OR9Q1: variants seen among roughly 807,000 people sequenced by gnomAD.
OR9Q1 encodes the protein olfactory receptor family 9 subfamily Q member 1.
For missense variants in OR9Q1, 374 were observed against 378.8 expected (o/e 0.99, Z 0.11); for synonymous variants, 153 against 148.6 (o/e 1.03, Z -0.22).
At chr11:58,143,945 A>G (rs1214158291) in intron 2 of OR9Q1, among the ~76,000 whole-genome samples, 1 of 152,170 alleles carries the variant, frequency 6.6e-6, no homozygotes, top group East Asian at 1.9e-4. Flanking sequence ...GAAAATGTAA[A>G]GTGCTTTACA....
chr11:58,046,284 C>T (rs1853215775), intron 1 of OR9Q1, among the ~76,000 whole-genome samples: 1 of 151,924 alleles, frequency 6.6e-6, no homozygotes, highest in African/African-American at 2.4e-5. Flanking sequence ...TCCCTCCTCT[C>T]AGGGTGGGAT....
At chr11:58,159,693 C>A (rs1187880524) in intron 2 of OR9Q1, among the ~76,000 whole-genome samples, 1 of 152,152 alleles carries the variant, frequency 6.6e-6, no homozygotes, top group South Asian at 2.1e-4. Context: ...AAAGTAATTG[C>A]CACAGTCTAA....
At chr11:58,093,374 T>A (rs1464105874) in intron 2 of OR9Q1, among the ~76,000 whole-genome samples, 3 of 152,018 alleles carry the variant, frequency 2.0e-5, no homozygotes, top group Non-Finnish European at 2.9e-5. Context: ...TGAACAGACA[T>A]TTTTCAAAGG....
chr11:58,141,046 G>A (rs940363115), intron 2 of OR9Q1, among the ~76,000 whole-genome samples: 4 of 152,086 alleles, frequency 2.6e-5, no homozygotes, highest in Non-Finnish European at 4.4e-5. Context: ...TCTCTTTGAA[G>A]CAATTGTGAA....
chr11:58,105,398 G>A (rs1464643660), intron 2 of OR9Q1, among the ~76,000 whole-genome samples: 1 of 151,986 alleles, frequency 6.6e-6, no homozygotes, highest in African/African-American at 2.4e-5. Flanking sequence ...TGATGAATTT[G>A]GTCATATGCT....
At position 58,123,925 on chromosome 11, in the gene OR9Q1, C is replaced by T. The variant is rs181969991; in HGVS notation, c.-14-55506C>T. ...TAACTTGAGAGAGACTTAGTTGGAC[C>T]ATATCCCTCTTGATATACCCTTGGA... On this transcript the variant is annotated intron_variant, in intron 2 of 2. Transcript: ENST00000335397. Among the ~76,000 whole-genome samples, 131 of 152,210 alleles carry T rather than the reference C, an allele frequency of 8.6e-4. No homozygotes were observed. In the Middle Eastern group the frequency reaches 0.037, roughly 43 times the overall value.
chr11:58,105,127 A>G (rs371968021), intron 2 of OR9Q1, among the ~76,000 whole-genome samples: 1 of 152,084 alleles, frequency 6.6e-6, no homozygotes, highest in Admixed American at 6.6e-5. Flanking sequence ...CAGAGAGGAT[A>G]CAAGTCCACT....
rs376938778 is a variant in OR9Q1, at chr11:58,077,470, C to T, written c.-15+21523C>T. 3.9e-5 allele frequency: 6 copies of T among 152,248 alleles called. No individual in the cohort carries two copies. In the East Asian group the frequency reaches 5.8e-4, roughly 15 times the overall value. 9.4% of individuals were successfully genotyped at this position (152,248 alleles called of 1,614,324 possible). A position where few individuals can be genotyped will look rare whatever the true frequency, so the allele number is the denominator to read the frequency against. ...ATAAAGATGGTGCAAGTCATGATGC[C>T]AACTTGTCTTCTGTCAGTGATTTAT... On this transcript the variant is annotated intron_variant, in intron 2 of 2. Coordinates refer to ENST00000335397, the MANE Select transcript of OR9Q1 (RefSeq NM_001005212.4).
At chr11:58,038,870 A>G (rs1040467429) in intron 1 of OR9Q1, among the ~76,000 whole-genome samples, 1 of 151,982 alleles carries the variant, frequency 6.6e-6, no homozygotes, top group African/African-American at 2.4e-5. Flanking sequence ...TTCCATTTTT[A>G]CATGCCAAGT....
At chr11:58,053,672 A>G (rs1853297900) in intron 1 of OR9Q1, among the ~76,000 whole-genome samples, 1 of 146,490 alleles carries the variant, frequency 6.8e-6, no homozygotes, top group African/African-American at 2.5e-5. Flanking sequence ...ATATATATAT[A>G]AAATAAAAAT....
At chr11:58,092,584 G>A (rs1447175) in intron 2 of OR9Q1, among the ~76,000 whole-genome samples, 152,224 of 152,308 alleles carry the variant, frequency 1, 76,070 homozygotes, top group Non-Finnish European at 1. Flanking sequence ...GCTACAAGTC[G>A]ATATATTCTA....
intron 1 of OR9Q1, among the ~76,000 whole-genome samples, chr11:58,043,267 G>A (rs916378940): frequency 6.6e-6 from 1 of 152,106 alleles, no homozygotes; most frequent in Admixed American, 6.5e-5. Flanking sequence ...CTTCAAAAGG[G>A]CAAAAGGTAT....
intron 2 of OR9Q1, among the ~76,000 whole-genome samples, chr11:58,088,728 T>C (rs1215594806): frequency 6.6e-6 from 1 of 151,894 alleles, no homozygotes; most frequent in Non-Finnish European, 1.5e-5. Flanking sequence ...TATCAGACTT[T>C]TGTCAGAAGG....
In OR9Q1 at chr11:58,139,073, G is replaced by A. The variant is rs113774781; in HGVS notation, c.-14-40358G>A. ...AAGATGGGAGGAGGAAGGAAGAAAG[G>A]AAGAGGGTAAAAGGAAAAAGGAGGA... is the stretch of plus-strand genomic sequence containing the variant. On this transcript the variant is annotated intron_variant, in intron 2 of 2. Coordinates refer to ENST00000335397, the MANE Select transcript of OR9Q1 (RefSeq NM_001005212.4). 2.8e-4 allele frequency among the ~76,000 whole-genome samples: 43 copies of A among 152,234 alleles called. 1 individual carries two copies. The highest frequency in any genetic ancestry group is 8.7e-4 in the African/African-American group (36 of 41,538).
At chr11:58,152,923 T>C (rs1854368233) in intron 2 of OR9Q1, among the ~76,000 whole-genome samples, 1 of 152,216 alleles carries the variant, frequency 6.6e-6, no homozygotes, top group African/African-American at 2.4e-5. Context: ...CTGGGCAACA[T>C]GTCTCCCTCT....
intron 2 of OR9Q1, among the ~76,000 whole-genome samples, chr11:58,154,483 T>G (rs1244129499): frequency 1.3e-5 from 2 of 151,722 alleles, no homozygotes; most frequent in Non-Finnish European, 2.9e-5. Context: ...TCTTTATAAC[T>G]ATTATTGGAG....
At chr11:58,149,416 T>C (rs1484592612) in intron 2 of OR9Q1, among the ~76,000 whole-genome samples, 1 of 152,168 alleles carries the variant, frequency 6.6e-6, no homozygotes, top group Non-Finnish European at 1.5e-5. Context: ...TTCCTCTTGA[T>C]TGTTTAAAGG....
At chr11:58,083,506 G>A (rs1040742198) in intron 2 of OR9Q1, among the ~76,000 whole-genome samples, 1 of 151,814 alleles carries the variant, frequency 6.6e-6, no homozygotes, top group African/African-American at 2.4e-5. Flanking sequence ...AATTGCAGTT[G>A]TTTTGAGGAC....
intron 2 of OR9Q1, among the ~76,000 whole-genome samples, chr11:58,154,445 T>C (rs533243066): frequency 6.6e-6 from 1 of 151,762 alleles, no homozygotes; most frequent in South Asian, 2.1e-4. Context: ...ATTGTTACTG[T>C]TTCCCAATCC....
Sources: allele counts gnomAD v4.1 joint callset (sites outside exome capture counted in the v4.1 genomes callset), GRCh38; gene constraint gnomAD v4.1.1; transcripts MANE v1.5; gene names NCBI Gene and HGNC (gene_info 2026-07-23, HGNC 2026-07-21).